Variants in SFMBT1 observed in about 807,000 individuals in gnomAD.
The protein encoded by SFMBT1 is scm-like with four MBT domains protein 1.
In SFMBT1, 32 loss-of-function variants were observed where a neutral mutation model predicts 108.7. The observed-to-expected ratio is 0.29, with a 90% CI of 0.22 to 0.40. SFMBT1 has a LOEUF of 0.40. SFMBT1 is among the 10% of genes least tolerant of loss of function. SFMBT1 has a pLI of 1.00. For synonymous variants in SFMBT1, 348 were observed against 369.5 expected (o/e 0.94, Z 0.67); for missense variants, 816 against 1,059.6 (o/e 0.77, Z 3.19).
At chr3:52,911,335 A>G (rs1198536077) in intron 16 of SFMBT1, among the ~76,000 whole-genome samples, 157 bp from the exon 17 acceptor site, 6 of 152,246 alleles carry the variant, frequency 3.9e-5, no homozygotes, top group African/African-American at 1.2e-4. Context: ...GAAGTTCTGC[A>G]TATTGAACTT....
At chr3:52,968,786 G>T (rs1279079825) in intron 2 of SFMBT1, among the ~76,000 whole-genome samples, 1 of 151,900 alleles carries the variant, frequency 6.6e-6, no homozygotes, top group Non-Finnish European at 1.5e-5. Context: ...GTAGAGACGG[G>T]GTTTCACCGT....
chr3:52,920,941 T>C (rs1397484552), intron 11 of SFMBT1, among the ~76,000 whole-genome samples: 1 of 152,224 alleles, frequency 6.6e-6, no homozygotes, highest in Non-Finnish European at 1.5e-5. Context: ...ATCATTCAGA[T>C]GGTTAATAAA....
chr3:52,925,973 A>G, intron 10 of SFMBT1, 58 bp downstream of exon 10: 1 of 1,444,612 alleles, frequency 6.9e-7, no homozygotes, highest in Non-Finnish European at 9.4e-7. Flanking sequence ...AAAGCAAGGG[A>G]AGCACAGCAG....
chr3:52,916,752 A>G (rs1027530010), intron 13 of SFMBT1, among the ~76,000 whole-genome samples: 1 of 152,150 alleles, frequency 6.6e-6, no homozygotes, highest in Non-Finnish European at 1.5e-5. Context: ...AAAACTATAT[A>G]TAGGGCATAA....
chr3:52,940,977 G>C (rs1434918903), intron 4 of SFMBT1, among the ~76,000 whole-genome samples: 1 of 152,084 alleles, frequency 6.6e-6, no homozygotes, highest in Non-Finnish European at 1.5e-5. Context: ...CCAAATTGTG[G>C]GAAATCTGAC....
intron 10 of SFMBT1, among the ~76,000 whole-genome samples, chr3:52,924,220 G>A (rs1702595055): frequency 6.6e-6 from 1 of 152,102 alleles, no homozygotes; most frequent in African/African-American, 2.4e-5. Flanking sequence ...GAGAGATGGG[G>A]ATCCATCAAA....
At chr3:52,933,138 T>C (rs1049050985) in intron 5 of SFMBT1, among the ~76,000 whole-genome samples, 7 of 152,196 alleles carry the variant, frequency 4.6e-5, no homozygotes, top group African/African-American at 1.4e-4. Context: ...CTGTATACTG[T>C]TTCTTAATTT....
Position 52,972,535 on chromosome 3 carries a change from A to G in SFMBT1, c.-130-3277T>C, listed in dbSNP as rs1046098486. ...TTCCTTTATTTCCTGTTCATATTAA[A>G]TTGTCTTACTGTCATCATTTATTTT... On this transcript the variant is annotated intron_variant, in intron 1 of 20. Transcript: ENST00000394752. 5.9e-5 allele frequency among the ~76,000 whole-genome samples: 9 copies of G among 152,154 alleles called. No individual in the cohort carries two copies. The South Asian group carries it at 1.0e-3, about 18-fold the overall frequency.
At chr3:53,029,253 T>A (rs1450537339) in intron 1 of SFMBT1, among the ~76,000 whole-genome samples, 1 of 151,742 alleles carries the variant, frequency 6.6e-6, no homozygotes, top group African/African-American at 2.4e-5. Flanking sequence ...CCACAAATTG[T>A]CACACTTTTT....
At chr3:53,029,776 C>T (rs1268424575) in intron 1 of SFMBT1, among the ~76,000 whole-genome samples, 3 of 152,112 alleles carry the variant, frequency 2.0e-5, no homozygotes, top group East Asian at 1.9e-4. Context: ...CCTATGCCAT[C>T]CCCTCTGCAA....
At chr3:52,927,827 C>G (rs1702705296) in intron 9 of SFMBT1, among the ~76,000 whole-genome samples, 1 of 152,060 alleles carries the variant, frequency 6.6e-6, no homozygotes, top group Non-Finnish European at 1.5e-5. Flanking sequence ...CACAAGCCAG[C>G]CCCCAGTGCT....
Position 53,023,146 on chromosome 3 carries a change from G to A in SFMBT1, c.-131+22670C>T, listed in dbSNP as rs547907147. Among the ~76,000 whole-genome samples the A allele has an allele frequency of 4.7e-4, 71 of 152,254 alleles. 2 individuals carry two copies. The South Asian group carries it at 0.015, about 31-fold the overall frequency. ...AACCCGACCTTTAAATGACAGCAGGGTCCTGAGTAACAGATGACTCTAATC... is the reference window on the plus strand; with the variant it reads ...AACCCGACCTTTAAATGACAGCAGGATCCTGAGTAACAGATGACTCTAATC... On this transcript the variant is annotated intron_variant, in intron 1 of 20. Transcript: ENST00000394752.
chr3:52,925,045 A>C (rs1395306977), intron 10 of SFMBT1, among the ~76,000 whole-genome samples: 1 of 152,036 alleles, frequency 6.6e-6, no homozygotes, highest in African/African-American at 2.4e-5. Flanking sequence ...ACATGGTGAA[A>C]CCTCATCTCT....
intron 14 of SFMBT1, among the ~76,000 whole-genome samples, chr3:52,914,446 G>A (rs1418906968): frequency 6.6e-6 from 1 of 152,184 alleles, no homozygotes; most frequent in East Asian, 1.9e-4. Flanking sequence ...AATAGTCACA[G>A]CCAGGTGTTG....
chr3:52,973,005 G>A (rs551849334), intron 1 of SFMBT1, among the ~76,000 whole-genome samples: 2 of 152,064 alleles, frequency 1.3e-5, no homozygotes, highest in East Asian at 3.9e-4. Flanking sequence ...ATGGGTGACA[G>A]AGCGAGACTC....
intron 10 of SFMBT1, among the ~76,000 whole-genome samples, chr3:52,922,071 G>C (rs1439261472): frequency 1.3e-5 from 2 of 152,184 alleles, no homozygotes; most frequent in African/African-American, 4.8e-5. Flanking sequence ...CTACTTGTAT[G>C]ACCTTGCTCA....
chr3:52,966,254 T>C (rs1216087964), intron 2 of SFMBT1, among the ~76,000 whole-genome samples: 8 of 146,282 alleles, frequency 5.5e-5, no homozygotes, highest in Non-Finnish European at 4.5e-5. Context: ...GAGGCAAAGC[T>C]TGCAGTGAGC....
intron 3 of SFMBT1, among the ~76,000 whole-genome samples, chr3:52,946,150 T>A (rs1181055669): frequency 6.6e-6 from 1 of 152,192 alleles, no homozygotes; most frequent in East Asian, 1.9e-4. Flanking sequence ...CACAAATAGT[T>A]GACATGCAAT....
chr3:53,006,578 G>A (rs9838552), intron 1 of SFMBT1, among the ~76,000 whole-genome samples: 76 of 149,304 alleles, frequency 5.1e-4, no homozygotes, highest in African/African-American at 1.9e-3. Context: ...GTAGTGAGCC[G>A]AGATCCTGCC....
Sources: allele counts gnomAD v4.1 joint callset (sites outside exome capture counted in the v4.1 genomes callset), GRCh38; gene constraint gnomAD v4.1.1; transcripts MANE v1.5; gene names NCBI Gene and HGNC (gene_info 2026-07-23, HGNC 2026-07-21).